SOCS5: variants seen among roughly 807,000 people sequenced by gnomAD.
SOCS5 encodes CIS-6.
Under a neutral mutation model 42.8 loss-of-function variants are expected in SOCS5, and 32 were observed. The observed-to-expected ratio is 0.75, with a 90% CI of 0.56 to 1.01. SOCS5 has a LOEUF of 1.01. SOCS5 is among the 50% of genes least tolerant of loss of function. The probability of loss-of-function intolerance (pLI) is 0.00; values close to 1 mark genes in which losing one functional copy is unlikely to be tolerated. For missense variants in SOCS5, 627 were observed against 653.0 expected (o/e 0.96, Z 0.43); for synonymous variants, 283 against 229.6 (o/e 1.23, Z -2.10).
At chr2:46,734,789 T>G (rs556253309) in intron 1 of SOCS5, among the ~76,000 whole-genome samples, 1 of 152,318 alleles carries the variant, frequency 6.6e-6, no homozygotes, top group African/African-American at 2.4e-5. Context: ...TCTTAGTCAT[T>G]GAATAAGACC....
rs114653571 is a variant in SOCS5 at position 46,752,134 on chromosome 2, C to T, written c.-12-6385C>T. ...AAAATGTTTGCTGAACCCTGTACCA[C>T]ATTAGAGAAACCTATTTAGTTCAGT... On this transcript the variant is annotated intron_variant, in intron 1 of 1. Transcript: ENST00000394861. 8.2e-3 allele frequency among the ~76,000 whole-genome samples: 1,242 copies of T among 151,442 alleles called. 21 individuals are homozygous for T. The highest frequency in any genetic ancestry group is 0.029 in the African/African-American group (1,194 of 41,340).
chr2:46,760,313 A>T lies in SOCS5; in HGVS notation c.*172A>T, dbSNP rs570229445. 1.7e-6 allele frequency: 1 copy of T among 603,768 alleles called. No homozygotes were observed. The allele number at this position is 603,768 out of a possible 1,614,324, so 37.4% of individuals were successfully genotyped here. A position where few individuals can be genotyped will look rare whatever the true frequency, so the allele number is the denominator to read the frequency against. ...ACTTATTCAGATAAACATGGTGCCT[A>T]TTGGAACAATAGCGGATAGAGCTAC... On this transcript the variant is annotated 3_prime_UTR_variant, in exon 2 of 2. Coordinates refer to ENST00000394861, the MANE Select transcript of SOCS5 (RefSeq NM_144949.3).
chr2:46,759,836 A>T lies in SOCS5; in HGVS notation c.1306A>T (p.Asn436Tyr). The change falls in exon 2 of 2, where the codon AAC becomes TAC. Residue 436 changes from asparagine (N) to tyrosine (Y), a missense_variant. Coordinates refer to ENST00000394861, the MANE Select transcript of SOCS5 (RefSeq NM_144949.3). ...LHARIEQWNHNFSFDAHDPCV... is the reference protein window; with the variant it reads ...LHARIEQWNHYFSFDAHDPCV... ...TGCCCGAATTGAGCAGTGGAATCAC[A>T]ACTTTAGTTTCGACGCCCATGACCC... 6.2e-7 allele frequency: 1 copy of T among 1,614,174 alleles called. No homozygotes were observed. The highest frequency in any genetic ancestry group is 8.5e-7 in the Non-Finnish European group (1 of 1,180,036).
In SOCS5 at chr2:46,762,837, A is replaced by T. The variant is rs878873359; in HGVS notation, c.*2696A>T. On this transcript the variant is annotated 3_prime_UTR_variant, in exon 2 of 2. Transcript: ENST00000394861. ...ATTAACCCAAGAAAAGGTTGCTTTG[A>T]TTTGTACCCATTCTCATTCATTTTC... is the stretch of plus-strand genomic sequence containing the variant. 1 of 165,960 alleles carries T rather than the reference A, an allele frequency of 6.0e-6. No individual in the cohort carries two copies. Among genetic ancestry groups the T allele is most frequent in the South Asian group, 2.1e-4 (1 of 4,838 alleles). 10.3% of individuals were successfully genotyped at this position (165,960 alleles called of 1,614,324 possible).
At chr2:46,753,517 C>T (rs1360440793) in intron 1 of SOCS5, among the ~76,000 whole-genome samples, 2 of 152,092 alleles carry the variant, frequency 1.3e-5, no homozygotes, top group Non-Finnish European at 2.9e-5. Flanking sequence ...GATTAAGAAG[C>T]TGTTATCAGA....
rs1673889059 is a variant in SOCS5 at position 46,762,341 on chromosome 2, A to G, written c.*2200A>G. On this transcript the variant is annotated 3_prime_UTR_variant, in exon 2 of 2. Coordinates refer to ENST00000394861, the MANE Select transcript of SOCS5 (RefSeq NM_144949.3). ...TCATACTGATTATTGGAAAAGGACT[A>G]TATATGTGAGCAAGATTGTGTTTTA... 1 of 166,780 alleles carries G rather than the reference A, an allele frequency of 6.0e-6. No individual in the cohort carries two copies. Among genetic ancestry groups the G allele is most frequent in the Admixed American group, 6.5e-5 (1 of 15,294 alleles). The allele number at this position is 166,780 out of a possible 1,614,324, so 10.3% of individuals were successfully genotyped here.
intron 1 of SOCS5, among the ~76,000 whole-genome samples, chr2:46,753,973 T>G (rs1229851015): frequency 6.6e-6 from 1 of 152,200 alleles, no homozygotes; most frequent in Non-Finnish European, 1.5e-5. Context: ...ACTGGCTTCT[T>G]TAACACAATC....
intron 1 of SOCS5, among the ~76,000 whole-genome samples, chr2:46,706,832 G>A (rs760935808): frequency 2.0e-5 from 3 of 152,120 alleles, no homozygotes; most frequent in Non-Finnish European, 4.4e-5. Context: ...TGCAGGCAGA[G>A]GGAATAGTAG....
chr2:46,702,918 G>A (rs987703411), intron 1 of SOCS5, among the ~76,000 whole-genome samples: 2 of 152,136 alleles, frequency 1.3e-5, no homozygotes, highest in Admixed American at 6.5e-5. Flanking sequence ...TGTTGCTTTT[G>A]TAACAGCCCT....
At position 46,761,573 on chromosome 2, in the gene SOCS5, C is replaced by CT. The variant is rs1244147609; in HGVS notation, c.*1439dup. The CT allele has an allele frequency of 2.4e-5, 4 of 166,872 alleles. No individual in the cohort carries two copies. Among genetic ancestry groups the CT allele is most frequent in the Non-Finnish European group, 2.9e-5 (2 of 68,096 alleles). The allele number at this position is 166,872 out of a possible 1,614,324, so 10.3% of individuals were successfully genotyped here. ...TGCTTGCTGTGCCTTGTTATGGCTG[C>CT]TTTTTTTGTGCTAATAAAGTATGTT... is the stretch of plus-strand genomic sequence containing the variant. On this transcript the variant is annotated 3_prime_UTR_variant, in exon 2 of 2. Coordinates refer to ENST00000394861, the MANE Select transcript of SOCS5 (RefSeq NM_144949.3).
At chr2:46,722,364 C>G (rs1242793469) in intron 1 of SOCS5, among the ~76,000 whole-genome samples, 4 of 152,076 alleles carry the variant, frequency 2.6e-5, no homozygotes, top group African/African-American at 9.7e-5. Context: ...TCTCCAGAGT[C>G]TGCTTTTTCA....
intron 1 of SOCS5, among the ~76,000 whole-genome samples, chr2:46,728,285 G>C (rs961931450): frequency 2.0e-5 from 3 of 152,056 alleles, no homozygotes; most frequent in African/African-American, 7.2e-5. Context: ...AAGCATTCTG[G>C]GGTTTTATAG....
chr2:46,724,684 G>C (rs1247959930), intron 1 of SOCS5, among the ~76,000 whole-genome samples: 1 of 151,660 alleles, frequency 6.6e-6, no homozygotes, highest in East Asian at 1.9e-4. Context: ...GATTATTTCT[G>C]TTATTTATTT....
chr2:46,751,338 T>A (rs1673618426), intron 1 of SOCS5, among the ~76,000 whole-genome samples: 1 of 152,118 alleles, frequency 6.6e-6, no homozygotes. Context: ...TGTTAAAAAA[T>A]GTAATTGCCA....
chr2:46,748,293 C>T (rs968427586), intron 1 of SOCS5, among the ~76,000 whole-genome samples: 1 of 151,664 alleles, frequency 6.6e-6, no homozygotes, highest in Non-Finnish European at 1.5e-5. Context: ...TCCAGCAATC[C>T]TCCCACCTCA....
intron 1 of SOCS5, among the ~76,000 whole-genome samples, chr2:46,729,915 A>G (rs944102835): frequency 2.0e-5 from 3 of 152,214 alleles, no homozygotes; most frequent in Non-Finnish European, 4.4e-5. Context: ...CAGCTGTACA[A>G]AAATGTTTTT....
At position 46,763,026 on chromosome 2, in the gene SOCS5, A is replaced by G. The variant is rs1442372842; in HGVS notation, c.*2885A>G. On this transcript the variant is annotated 3_prime_UTR_variant, in exon 2 of 2. Coordinates refer to ENST00000394861, the MANE Select transcript of SOCS5 (RefSeq NM_144949.3). ...TTAGAGATCTTATTCTATAGATATT[A>G]CCTAAAGAGTATTCTTGTACTATTC... 1.8e-5 allele frequency: 3 copies of G among 167,100 alleles called. No individual in the cohort carries two copies. The highest frequency in any genetic ancestry group is 4.4e-5 in the Non-Finnish European group (3 of 68,110). 10.4% of individuals were successfully genotyped at this position (167,100 alleles called of 1,614,324 possible).
intron 1 of SOCS5, among the ~76,000 whole-genome samples, chr2:46,755,884 G>A (rs1475218258): frequency 2.6e-5 from 4 of 152,128 alleles, no homozygotes; most frequent in South Asian, 2.1e-4. Context: ...ATTACTGTCC[G>A]TATTTTTTCC....
chr2:46,700,919 T>G (rs1227257501), intron 1 of SOCS5, among the ~76,000 whole-genome samples: 2 of 152,222 alleles, frequency 1.3e-5, no homozygotes, highest in Non-Finnish European at 2.9e-5. Flanking sequence ...GAAAGCTGAT[T>G]AGTACTTAAA....
Sources: allele counts gnomAD v4.1 joint callset (sites outside exome capture counted in the v4.1 genomes callset), GRCh38; gene constraint gnomAD v4.1.1; transcripts MANE v1.5; gene names NCBI Gene and HGNC (gene_info 2026-07-23, HGNC 2026-07-21).